The following ENO1 variants were observed in gnomAD, a reference collection of about 807,000 sequenced individuals.
ENO1 encodes alpha-enolase.
A neutral mutation model predicts 46.3 loss-of-function variants in ENO1; 33 were observed. The observed-to-expected ratio is 0.71, with a 90% CI of 0.54 to 0.95. ENO1 has a LOEUF of 0.95. Ranked by LOEUF, ENO1 falls within the 40% of genes least tolerant of loss-of-function variation. The pLI, the probability that ENO1 is intolerant of heterozygous loss-of-function variation, is 0.00. For missense variants in ENO1, 488 were observed against 553.3 expected (o/e 0.88, Z 1.18); for synonymous variants, 220 against 216.0 (o/e 1.02, Z -0.16).
intron 8 of ENO1, among the ~76,000 whole-genome samples, chr1:8,865,003 C>A (rs1642480645): frequency 6.6e-6 from 1 of 152,198 alleles, no homozygotes; most frequent in African/African-American, 2.4e-5. Flanking sequence ...GTTCCCTCAC[C>A]TGTCTAATGG....
chr1:8,861,285 C>T lies in ENO1; in HGVS notation c.*75G>A, dbSNP rs914678781. The T allele has an allele frequency of 1.6e-5, 24 of 1,528,774 alleles. No individual in the cohort carries two copies. In the African/African-American group the frequency reaches 1.6e-4, roughly 10 times the overall value. The allele number at this position is 1,528,774 out of a possible 1,614,324, so 94.7% of individuals were successfully genotyped here. A position where few individuals can be genotyped will look rare whatever the true frequency, so the allele number is the denominator to read the frequency against. On this transcript the variant is annotated 3_prime_UTR_variant, in exon 12 of 12. Transcript: ENST00000234590. ...CCCTGCAAGTGTTGGTCGGGGGCCT[C>T]GAGCTGCCTGAGCTGACACGAGGGG...
Position 8,868,075 on chromosome 1 carries a change from G to A in ENO1, c.241-18C>T, listed in dbSNP as rs1437670618. On this transcript the variant is annotated intron_variant, in intron 4 of 11. Transcript: ENST00000234590. ...TTCAGTTTCTACGAGGGAGAGGGGA[G>A]AATGAGGGGTTGGGGCCACTCTTAT... is the stretch of plus-strand genomic sequence containing the variant. 3 of 1,602,010 alleles carry A rather than the reference G, an allele frequency of 1.9e-6. No homozygotes were observed. Among genetic ancestry groups the A allele is most frequent in the Non-Finnish European group, 1.7e-6 (2 of 1,169,254 alleles).
At chr1:8,876,665 A>AGGAG (rs1206517915) in intron 1 of ENO1, among the ~76,000 whole-genome samples, 2 of 152,104 alleles carry the variant, frequency 1.3e-5, no homozygotes, top group Non-Finnish European at 2.9e-5. Flanking sequence ...TGGGAGGCCG[A>AGGAG]GGAGGGTGGA....
In ENO1 at chr1:8,874,866, G is replaced by A. The variant is rs762486454; in HGVS notation, c.43C>T (p.Arg15Cys). ...TCAACCTCAACAGTGGGATTCCCGC[G>A]AGAGTCAAAGATCTCCCTGGCATGG... ...KIHAREIFDS[R>C]GNPTVEVDLF... Residue 15 changes from arginine to cysteine, a missense_variant, in exon 2 of 12, where the codon CGC (arginine) becomes TGC (cysteine). Arg to Cys is a radical substitution (Grantham distance 180, BLOSUM62 -3). Coordinates refer to ENST00000234590, the MANE Select transcript of ENO1 (RefSeq NM_001428.5). 7 of 1,613,662 alleles carry A rather than the reference G, an allele frequency of 4.3e-6. No homozygotes were observed. The highest frequency in any genetic ancestry group is 4.0e-5 in the African/African-American group (3 of 74,872).
At chr1:8,876,874 C>T (rs1476332059) in intron 1 of ENO1, among the ~76,000 whole-genome samples, 13 of 150,812 alleles carry the variant, frequency 8.6e-5, no homozygotes, top group Non-Finnish European at 1.3e-4. Flanking sequence ...GACGGAGTTT[C>T]GCTGTTGTCG....
chr1:8,861,245 C>G lies in ENO1; in HGVS notation c.*115G>C, dbSNP rs1642394942. 1 of 1,076,932 alleles carries G rather than the reference C, an allele frequency of 9.3e-7. No individual in the cohort carries two copies. Among genetic ancestry groups the G allele is most frequent in the Admixed American group, 2.0e-5 (1 of 49,644 alleles). 66.7% of individuals were successfully genotyped at this position (1,076,932 alleles called of 1,614,324 possible). A position where few individuals can be genotyped will look rare whatever the true frequency, so the allele number is the denominator to read the frequency against. ...GTACGAACTCCACGGCGGTGGGGCG[C>G]TAACTAGCAGGGACCCCTGCAAGTG... On this transcript the variant is annotated 3_prime_UTR_variant, in exon 12 of 12. Transcript: ENST00000234590.
intron 5 of ENO1, 71 bp from the exon 6 acceptor site, chr1:8,867,321 C>T (rs1642542295): frequency 3.1e-6 from 5 of 1,588,604 alleles, no homozygotes; most frequent in Admixed American, 3.4e-5. Context: ...CTGTACTGCC[C>T]TGAGGGTTGT....
At position 8,874,813 on chromosome 1, in the gene ENO1, G is replaced by A. The variant is rs1309096420; in HGVS notation, c.85+11C>T. ...GGAAGGAACCATGGAAACCAAGGAG[G>A]TGGCACATACCTTTTGAGGTGAAGA... On this transcript the variant is annotated intron_variant, in intron 2 of 11. Transcript: ENST00000234590. 1.2e-5 allele frequency: 19 copies of A among 1,609,876 alleles called. No individual in the cohort carries two copies. The highest frequency in any genetic ancestry group is 1.5e-5 in the Non-Finnish European group (18 of 1,177,758).
rs755573568 is a variant in ENO1 at position 8,863,923 on chromosome 1, G to A, written c.1035C>T (p.Asn345=). 4 of 1,614,008 alleles carry A rather than the reference G, an allele frequency of 2.5e-6. No individual in the cohort carries two copies. In the African/African-American group the frequency reaches 4.0e-5, roughly 16 times the overall value. The part of the protein sequence containing the change: ...KSCNCLLLKV[N]QIGSVTESLQ... Reference sequence around the variant, plus strand: ...GAGACTCGGTCACGGAGCCAATCTGGTTGACTTTGAGCAGGAGGCAGTTGC... The same window carrying A: ...GAGACTCGGTCACGGAGCCAATCTGATTGACTTTGAGCAGGAGGCAGTTGC... The change falls in exon 9 of 12, where the codon AAC becomes AAT. Residue 345 remains asparagine, a synonymous_variant. Coordinates refer to ENST00000234590, the MANE Select transcript of ENO1 (RefSeq NM_001428.5).
At chr1:8,877,089 C>T (rs1041479221) in intron 1 of ENO1, among the ~76,000 whole-genome samples, 1 of 151,772 alleles carries the variant, frequency 6.6e-6, no homozygotes, top group Non-Finnish European at 1.5e-5. Flanking sequence ...TCCAGAGTAG[C>T]TGGGACTACA....
chr1:8,863,012 G>T, intron 10 of ENO1, 67 bp from the exon 11 acceptor site: 1 of 1,584,258 alleles, frequency 6.3e-7, no homozygotes, highest in South Asian at 1.1e-5. Context: ...GCAGGGAGAG[G>T]GTGTGGTGTC....
rs1553157285 is a variant in ENO1, at chr1:8,878,669, C to G, written c.-99G>C. The G allele has an allele frequency of 3.1e-5, 14 of 456,110 alleles. No homozygotes were observed. Among genetic ancestry groups the G allele is most frequent in the Middle Eastern group, 3.3e-4 (1 of 3,070 alleles). The allele number at this position is 456,110 out of a possible 1,614,324, so 28.3% of individuals were successfully genotyped here. A position where few individuals can be genotyped will look rare whatever the true frequency, so the allele number is the denominator to read the frequency against. ...TAAAGCCGGCGAGATCTCCGTGCTC[C>G]GGGTACCCACAGATACTGTCCGCGC... On this transcript the variant is annotated 5_prime_UTR_variant, in exon 1 of 12. Coordinates refer to ENST00000234590, the MANE Select transcript of ENO1 (RefSeq NM_001428.5).
chr1:8,875,233 CA>C (rs532580511), intron 1 of ENO1, among the ~76,000 whole-genome samples: 1 of 148,456 alleles, frequency 6.7e-6, no homozygotes, highest in East Asian at 2.0e-4. Context: ...TGATTTTTCA[CA>C]AAAAAAGATT....
At chr1:8,869,468 C>T (rs552272301) in intron 4 of ENO1, among the ~76,000 whole-genome samples, 1 of 152,280 alleles carries the variant, frequency 6.6e-6, no homozygotes, top group East Asian at 1.9e-4. Context: ...TCCTCCTTTT[C>T]CCTCGTGTAC....
At position 8,866,281 on chromosome 1, in the gene ENO1, T is replaced by C. The variant is rs1043773327; in HGVS notation, c.665A>G (p.Glu222Gly). 1.9e-6 allele frequency: 3 copies of C among 1,613,790 alleles called. No homozygotes were observed. The African/African-American group carries it at 4.0e-5, about 22-fold the overall frequency. The change falls in exon 7 of 12, where the codon GAA (glutamate) becomes GGA (glycine). Residue 222 changes from glutamate to glycine, a missense_variant and splice_region_variant. By Grantham distance (98) the Glu-to-Gly change is moderately conservative. Transcript: ENST00000234590. Reference sequence around the variant, plus strand: ...GGGCGGTTCCCTAGCGCCTTTACCTTCTTTATTCTCCAGGATGTTGGGAGC... The same window carrying C: ...GGGCGGTTCCCTAGCGCCTTTACCTCCTTTATTCTCCAGGATGTTGGGAGC... ...GFAPNILENKEGLELLKTAIG... is the reference protein window; with the variant it reads ...GFAPNILENKGGLELLKTAIG...
chr1:8,866,658 AC>A, intron 6 of ENO1, 157 bp from the exon 7 acceptor site: 1 of 714,738 alleles, frequency 1.4e-6, no homozygotes, highest in Non-Finnish European at 2.3e-6. Context: ...TGAAATGCTC[AC>A]CAGGTCTCTG....
chr1:8,865,477 C>A lies in ENO1; in HGVS notation c.673G>T (p.Glu225Ter). Residue 225 changes from glutamate (E) to a stop codon, truncating the protein, a stop_gained, in exon 8 of 12, where the codon GAG (glutamate) becomes TAG (stop). Transcript: ENST00000234590. LOFTEE classifies it high-confidence loss of function. ...TTCCCAATAGCAGTCTTCAGCAGCTCCAGGCCTGGGAAGAGATGGTGACAA... is the reference window on the plus strand; with the variant it reads ...TTCCCAATAGCAGTCTTCAGCAGCTACAGGCCTGGGAAGAGATGGTGACAA... ...PNILENKEGL[E>*]LLKTAIGKAG... 6.2e-7 allele frequency: 1 copy of A among 1,612,862 alleles called. No individual in the cohort carries two copies. The highest frequency in any genetic ancestry group is 1.1e-5 in the South Asian group (1 of 91,018).
At chr1:8,863,412 C>A (rs1373636458) in intron 9 of ENO1, 69 bp from the exon 10 acceptor site, 43 of 1,446,290 alleles carry the variant, frequency 3.0e-5, no homozygotes, top group Non-Finnish European at 3.9e-5. Context: ...AATGCCATTA[C>A]CCCTCGGTGC....
intron 1 of ENO1, chr1:8,875,725 C>T (rs1213417461): frequency 6.6e-6 from 1 of 152,174 alleles, no homozygotes; most frequent in Non-Finnish European, 1.5e-5. Flanking sequence ...TCCAATTTCA[C>T]AGTACTTGGG....
Sources: gnomAD v4.1 joint callset for allele counts (sites outside exome capture counted in the v4.1 genomes callset) on GRCh38, gnomAD v4.1.1 for gene constraint, MANE v1.5 for transcripts, NCBI Gene and HGNC (gene_info 2026-07-23, HGNC 2026-07-21) for gene names.